EGFLAM: variants seen among roughly 807,000 people sequenced by gnomAD.
EGFLAM encodes EGF like, fibronectin type III and laminin G domains, also known as pikachurin.
A neutral mutation model predicts 113.1 loss-of-function variants in EGFLAM; 79 were observed. The ratio of observed to expected loss-of-function variants is 0.70; its 90% confidence interval spans 0.58 to 0.84. The LOEUF (loss-of-function observed/expected upper bound fraction) is 0.84. EGFLAM is among the 40% of genes least tolerant of loss of function. The pLI is 0.00. For synonymous variants in EGFLAM, 504 were observed against 487.6 expected (o/e 1.03, Z -0.44); for missense variants, 1,265 against 1,291.6 (o/e 0.98, Z 0.32).
chr5:38,384,815 T>C (rs1020137000), intron 6 of EGFLAM, among the ~76,000 whole-genome samples: 1 of 152,042 alleles, frequency 6.6e-6, no homozygotes, highest in Non-Finnish European at 1.5e-5. Flanking sequence ...TCAAAAGTAT[T>C]TGGGGGCACA....
At chr5:38,266,123 G>C (rs1757629205) in intron 1 of EGFLAM, among the ~76,000 whole-genome samples, 2 of 152,174 alleles carry the variant, frequency 1.3e-5, no homozygotes, top group Non-Finnish European at 2.9e-5. Context: ...AAGCCACGCT[G>C]TTCTCTATAT....
chr5:38,375,496 C>G (rs1362050650), intron 6 of EGFLAM, among the ~76,000 whole-genome samples: 1 of 152,162 alleles, frequency 6.6e-6, no homozygotes, highest in African/African-American at 2.4e-5. Context: ...ACCTTGAGAT[C>G]CCACCAAGGA....
chr5:38,336,178 A>G (rs1739176200), intron 1 of EGFLAM, among the ~76,000 whole-genome samples: 1 of 152,246 alleles, frequency 6.6e-6, no homozygotes, highest in African/African-American at 2.4e-5. Context: ...GATTGTAAAT[A>G]TGCTATTTGT....
chr5:38,371,508 C>G (rs1221167788), intron 6 of EGFLAM, among the ~76,000 whole-genome samples: 1 of 152,092 alleles, frequency 6.6e-6, no homozygotes. Flanking sequence ...AATTTTGGCT[C>G]CTTTGAAAAC....
chr5:38,403,264 A>G (rs1741174297), intron 6 of EGFLAM: 1 of 154,780 alleles, frequency 6.5e-6, no homozygotes, highest in African/African-American at 2.4e-5. Flanking sequence ...TGAACCCTAT[A>G]TATGCAGCAG....
At chr5:38,430,654 C>A (rs1010492944) in intron 14 of EGFLAM, among the ~76,000 whole-genome samples, 1 of 152,102 alleles carries the variant, frequency 6.6e-6, no homozygotes, top group Non-Finnish European at 1.5e-5. Context: ...TATAAATAGA[C>A]ATGTAGAGAG....
intron 13 of EGFLAM, 131 bp downstream of exon 13, chr5:38,425,223 G>C: frequency 7.2e-7 from 1 of 1,379,742 alleles, no homozygotes; most frequent in East Asian, 2.6e-5. Context: ...CTCTTACCCA[G>C]GCCGGAGTGC....
chr5:38,436,339 C>A (rs1174406668), intron 16 of EGFLAM, among the ~76,000 whole-genome samples: 1 of 152,036 alleles, frequency 6.6e-6, no homozygotes, highest in Non-Finnish European at 1.5e-5. Flanking sequence ...CCTTTTTGGA[C>A]CTGAGATGGA....
chr5:38,270,504 A>G (rs975844346), intron 1 of EGFLAM, among the ~76,000 whole-genome samples: 2 of 152,110 alleles, frequency 1.3e-5, no homozygotes, highest in South Asian at 4.1e-4. Context: ...AAAAAAAACA[A>G]CAAGCATTCA....
intron 1 of EGFLAM, among the ~76,000 whole-genome samples, chr5:38,303,871 C>A (rs1214974539): frequency 6.6e-6 from 1 of 152,114 alleles, no homozygotes; most frequent in Non-Finnish European, 1.5e-5. Context: ...CATGGTGGCT[C>A]ATGCCTGTAA....
At chr5:38,391,360 G>T (rs1469166767) in intron 6 of EGFLAM, among the ~76,000 whole-genome samples, 1 of 150,224 alleles carries the variant, frequency 6.7e-6, no homozygotes, top group Non-Finnish European at 1.5e-5. Flanking sequence ...ATACCACAGT[G>T]TTTTAATTTC....
At chr5:38,431,768 C>G (rs1021890774) in intron 15 of EGFLAM, among the ~76,000 whole-genome samples, 7 of 152,108 alleles carry the variant, frequency 4.6e-5, no homozygotes, top group Non-Finnish European at 7.3e-5. Flanking sequence ...TTGTTCTTGT[C>G]TCAGCATTAT....
At chr5:38,450,849 T>C (rs575816552) in intron 18 of EGFLAM, among the ~76,000 whole-genome samples, 5 of 152,280 alleles carry the variant, frequency 3.3e-5, no homozygotes, top group African/African-American at 1.2e-4. Context: ...ATCGCTTGGG[T>C]ATTTTCCCTG....
chr5:38,364,690 C>A (rs955685562), intron 5 of EGFLAM, among the ~76,000 whole-genome samples: 2 of 152,160 alleles, frequency 1.3e-5, no homozygotes, highest in African/African-American at 4.8e-5. Flanking sequence ...AAGACAAAGT[C>A]ACCATGCTTA....
chr5:38,414,035 C>T (rs1007203076), intron 11 of EGFLAM, among the ~76,000 whole-genome samples: 1 of 152,198 alleles, frequency 6.6e-6, no homozygotes, highest in African/African-American at 2.4e-5. Flanking sequence ...TGCTGCGCAC[C>T]CTGCTTCCTA....
chr5:38,372,229 G>C lies in EGFLAM; in HGVS notation c.712+1767G>C, dbSNP rs1230302115. On this transcript the variant is annotated intron_variant, in intron 6 of 21. Coordinates refer to ENST00000322350, the MANE Select transcript of EGFLAM (RefSeq NM_152403.4). ...GCGATCTCGGCTCACTGCAACCTCC[G>C]CCTCCCAGGTTCAAGCAATTCTCCT... Among the ~76,000 whole-genome samples, 3 of 150,928 alleles carry C rather than the reference G, an allele frequency of 2.0e-5. No homozygotes were observed. In the South Asian group the frequency reaches 6.3e-4, roughly 32 times the overall value.
At chr5:38,444,800 C>A (rs1232546480) in intron 17 of EGFLAM, among the ~76,000 whole-genome samples, 1 of 152,098 alleles carries the variant, frequency 6.6e-6, no homozygotes, top group Non-Finnish European at 1.5e-5. Flanking sequence ...CAAAAATTAG[C>A]CAGGCATGAT....
rs202049815 is a variant in EGFLAM, at chr5:38,406,992, G to A, written c.993G>A (p.Lys331=). The change falls in exon 8 of 22, where the codon AAG becomes AAA. Residue 331 remains lysine (K), a synonymous_variant. Coordinates refer to ENST00000322350, the MANE Select transcript of EGFLAM (RefSeq NM_152403.4). ...VAPQPIPIQR[K]GKNGVAIMSR... ...CCCAGCCCATTCCCATACAGAGAAAGGGGAAGAATGGTGTGGCCATAATGT... is the reference window on the plus strand; with the variant it reads ...CCCAGCCCATTCCCATACAGAGAAAAGGGAAGAATGGTGTGGCCATAATGT... 1.1e-4 allele frequency: 181 copies of A among 1,614,094 alleles called. No homozygotes were observed. Among genetic ancestry groups the A allele is most frequent in the Middle Eastern group, 4.9e-4 (3 of 6,084 alleles).
chr5:38,389,458 CT>C (rs1014795471), intron 6 of EGFLAM, among the ~76,000 whole-genome samples: 2 of 152,146 alleles, frequency 1.3e-5, no homozygotes, highest in African/African-American at 4.8e-5. Flanking sequence ...TAAATCACCT[CT>C]TGGATTTTGT....
Sources: allele counts gnomAD v4.1 joint callset (sites outside exome capture counted in the v4.1 genomes callset), GRCh38; gene constraint gnomAD v4.1.1; transcripts MANE v1.5; gene names NCBI Gene and HGNC (gene_info 2026-07-23, HGNC 2026-07-21).